Variants in ADGRG3 observed in about 807,000 individuals in gnomAD.
The protein encoded by ADGRG3 is adhesion G protein-coupled receptor G3.
Under a neutral mutation model 54.3 loss-of-function variants are expected in ADGRG3, and 39 were observed. That is an observed-to-expected ratio of 0.72 (90% CI 0.56 to 0.94). The LOEUF is 0.94. ADGRG3 is among the 40% of genes least tolerant of loss of function. The probability of loss-of-function intolerance (pLI) is 0.00; values close to 1 mark genes in which losing one functional copy is unlikely to be tolerated. For synonymous variants in ADGRG3, 312 were observed against 290.0 expected (o/e 1.08, Z -0.77); for missense variants, 654 against 694.6 (o/e 0.94, Z 0.66).
intron 1 of ADGRG3, 98 bp from the exon 2 acceptor site, chr16:57,673,223 A>T: frequency 8.3e-7 from 1 of 1,202,658 alleles, no homozygotes; most frequent in Non-Finnish European, 1.2e-6. Flanking sequence ...ATTCTAGCCC[A>T]ACCACCAGAC....
At chr16:57,677,019 G>T (rs766590678) in intron 3 of ADGRG3, among the ~76,000 whole-genome samples, 9 of 152,322 alleles carry the variant, frequency 5.9e-5, no homozygotes, top group Non-Finnish European at 5.9e-5. Flanking sequence ...TTTTAGGTTT[G>T]TCTGGAGAAA....
chr16:57,671,489 C>T (rs1373336725), intron 1 of ADGRG3, among the ~76,000 whole-genome samples: 1 of 151,930 alleles, frequency 6.6e-6, no homozygotes, highest in East Asian at 1.9e-4. Flanking sequence ...TACAGGCACC[C>T]ACCACCACGT....
chr16:57,679,993 C>A, intron 6 of ADGRG3, 138 bp downstream of exon 6: 1 of 526,422 alleles, frequency 1.9e-6, no homozygotes, highest in South Asian at 1.7e-5. Context: ...TTGCTCCCTG[C>A]ATCCCCTCCC....
At chr16:57,681,392 G>A (rs1341771231) in intron 8 of ADGRG3, among the ~76,000 whole-genome samples, 3 of 151,724 alleles carry the variant, frequency 2.0e-5, no homozygotes, top group Non-Finnish European at 2.9e-5. Flanking sequence ...GTGCGTGCGC[G>A]CAGGACATAT....
At chr16:57,680,172 A>G in intron 6 of ADGRG3, 93 bp from the exon 7 acceptor site, 1 of 406,882 alleles carries the variant, frequency 2.5e-6, no homozygotes, top group Non-Finnish European at 4.5e-6. Context: ...TCCCCTCCCT[A>G]TATTCCCTTC....
At chr16:57,682,686 G>C in intron 8 of ADGRG3, 1 of 959,636 alleles carries the variant, frequency 1.0e-6, no homozygotes, top group Admixed American at 6.1e-5. Context: ...TCCCTCGGCT[G>C]AGAGCCCTTT....
chr16:57,680,260 T>C lies in ADGRG3; in HGVS notation c.668-5T>C. ...TTCCCTCTGTTCCCCTGGCCTCCTCTCCAGGGACCACTGGAGACTGGTCTT... is the reference window on the plus strand; with the variant it reads ...TTCCCTCTGTTCCCCTGGCCTCCTCCCCAGGGACCACTGGAGACTGGTCTT... On this transcript the variant is annotated splice_region_variant and splice_polypyrimidine_tract_variant and intron_variant, in intron 6 of 11. Coordinates refer to ENST00000333493, the MANE Select transcript of ADGRG3 (RefSeq NM_170776.5). The C allele has an allele frequency of 7.0e-7, 1 of 1,437,768 alleles. No individual in the cohort carries two copies. Among genetic ancestry groups the C allele is most frequent in the South Asian group, 1.1e-5 (1 of 88,258 alleles). The allele number at this position is 1,437,768 out of a possible 1,614,324, so 89.1% of individuals were successfully genotyped here. A position where few individuals can be genotyped will look rare whatever the true frequency, so the allele number is the denominator to read the frequency against.
chr16:57,676,454 C>T (rs991203264), intron 3 of ADGRG3, 116 bp downstream of exon 3: 21 of 950,742 alleles, frequency 2.2e-5, no homozygotes, highest in Admixed American at 5.0e-5. Flanking sequence ...CCCTCCCCCA[C>T]GTCCCAATTG....
At position 57,684,034 on chromosome 16, in the gene ADGRG3, G is replaced by A; in HGVS notation, c.984G>A (p.Gly328=). 6.2e-7 allele frequency: 1 copy of A among 1,613,788 alleles called. No homozygotes were observed. Among genetic ancestry groups the A allele is most frequent in the Non-Finnish European group, 8.5e-7 (1 of 1,179,756 alleles). Residue 328 remains glycine, a synonymous_variant, in exon 9 of 12, where the codon GGG becomes GGA. Transcript: ENST00000333493. ...LLNLAFLVNV[G]SGSKGSDAAC... The stretch of plus-strand genomic sequence containing the variant: ...ATCTGGCCTTCTTGGTCAATGTGGG[G>A]AGTGGCTCAAAGGGGTCTGATGCTG...
intron 8 of ADGRG3, 33 bp downstream of exon 8, chr16:57,680,650 C>T (rs377550145): frequency 4.1e-6 from 6 of 1,460,242 alleles, no homozygotes; most frequent in Non-Finnish European, 5.8e-6. Flanking sequence ...CCATGTCTCC[C>T]TCCCGCCCTC....
At chr16:57,686,141 C>G (rs8055331) in intron 11 of ADGRG3, among the ~76,000 whole-genome samples, 24,132 of 152,082 alleles carry the variant, frequency 0.16, 3,150 homozygotes, top group African/African-American at 0.34. Context: ...AAGGAATACT[C>G]GAGACTGGGT....
At chr16:57,665,766 G>T (rs966344887), upstream of ADGRG3, among the ~76,000 whole-genome samples, 1 of 152,144 alleles carries the variant, frequency 6.6e-6, no homozygotes, top group African/African-American at 2.4e-5. Context: ...CCTTCTGCAG[G>T]CTCCTCCCTC....
chr16:57,681,704 CA>C (rs1419891958), intron 8 of ADGRG3, among the ~76,000 whole-genome samples: 3 of 81,958 alleles, frequency 3.7e-5, no homozygotes, highest in African/African-American at 1.5e-4. Flanking sequence ...CCAGCCTGGA[CA>C]ACAAGTGCAA....
At chr16:57,666,145 G>A (rs919154565), upstream of ADGRG3, among the ~76,000 whole-genome samples, 72 of 152,306 alleles carry the variant, frequency 4.7e-4, no homozygotes, top group African/African-American at 1.5e-3. Context: ...CTAGGTCTCC[G>A]TGAGGGGGGT....
rs1187280390 is a variant in ADGRG3, at chr16:57,679,686, G to A, written c.628-130G>A. ...CTTAATTTTTCTGTGTGGCCCATGG[G>A]TGTGAACCTTGCTTTCTACCTAATG... On this transcript the variant is annotated intron_variant, in intron 5 of 11. Transcript: ENST00000333493. The A allele has an allele frequency of 2.3e-5, 18 of 796,426 alleles. 1 individual carries two copies. The South Asian group carries it at 2.5e-4, about 11-fold the overall frequency. The allele number at this position is 796,426 out of a possible 1,614,324, so 49.3% of individuals were successfully genotyped here. A position where few individuals can be genotyped will look rare whatever the true frequency, so the allele number is the denominator to read the frequency against.
intron 11 of ADGRG3, among the ~76,000 whole-genome samples, chr16:57,687,216 C>T (rs963773902): frequency 2.0e-5 from 3 of 151,762 alleles, no homozygotes; most frequent in Admixed American, 6.6e-5. Context: ...TCATTCATCG[C>T]GAAATTGGGA....
intron 1 of ADGRG3, 88 bp downstream of exon 1, chr16:57,668,493 G>A: frequency 3.1e-6 from 4 of 1,275,172 alleles, no homozygotes; most frequent in Non-Finnish European, 4.4e-6. Context: ...CGCAGGGACT[G>A]GAGAAGGTGA....
At chr16:57,688,296 G>T (rs1227425910) in intron 11 of ADGRG3, 56 bp from the exon 12 acceptor site, 4 of 1,108,862 alleles carry the variant, frequency 3.6e-6, no homozygotes, top group Admixed American at 1.7e-5. Flanking sequence ...AGCCCAGGCT[G>T]CCCCACTCTC....
chr16:57,682,522 G>C, intron 8 of ADGRG3: 1 of 985,398 alleles, frequency 1.0e-6, no homozygotes, highest in Non-Finnish European at 1.2e-6. Context: ...CCAACAAGCC[G>C]AGTGTGACTT....
Sources: allele counts gnomAD v4.1 joint callset (sites outside exome capture counted in the v4.1 genomes callset), GRCh38; gene constraint gnomAD v4.1.1; transcripts MANE v1.5; gene names NCBI Gene and HGNC (gene_info 2026-07-23, HGNC 2026-07-21).